Variants in TMEM132C observed in about 807,000 individuals in gnomAD.
TMEM132C encodes the protein protein phosphatase 1, regulatory subunit 152.
In TMEM132C, 29 loss-of-function variants were observed where a neutral mutation model predicts 61.4. That is an observed-to-expected ratio of 0.47 (90% confidence interval 0.35 to 0.64). The LOEUF is 0.64. TMEM132C is among the 30% of genes least tolerant of loss of function. TMEM132C has a pLI of 0.00. For synonymous variants in TMEM132C, 656 were observed against 633.1 expected (o/e 1.04, Z -0.54); for missense variants, 1,408 against 1,476.9 (o/e 0.95, Z 0.76).
At chr12:128,503,943 G>A (rs1390435773) in intron 2 of TMEM132C, among the ~76,000 whole-genome samples, 3 of 152,236 alleles carry the variant, frequency 2.0e-5, no homozygotes, top group Non-Finnish European at 2.9e-5. Flanking sequence ...TTGCCACGTG[G>A]TTCTGGCCCA....
chr12:128,546,315 G>A lies in TMEM132C; in HGVS notation c.1121+2212G>A, dbSNP rs117721037. On this transcript the variant is annotated intron_variant, in intron 3 of 8. Transcript: ENST00000435159. ...AATGCACATGAAGTCTAATTAACCT[G>A]TAAGATTAGTGTTGATTATGCAAAT... 9.0e-3 allele frequency among the ~76,000 whole-genome samples: 1,367 copies of A among 152,280 alleles called. 8 individuals are homozygous for A. The highest frequency in any genetic ancestry group is 0.027 in the Middle Eastern group (8 of 294).
intron 2 of TMEM132C, among the ~76,000 whole-genome samples, chr12:128,531,277 ATAGG>A (rs879375725): frequency 0.26 from 39,220 of 152,068 alleles, 6,080 homozygotes; most frequent in East Asian, 0.41. Flanking sequence ...TTTTCATTTG[ATAGG>A]GAAGATCAAA....
At chr12:128,624,351 C>T (rs1196151045) in intron 4 of TMEM132C, among the ~76,000 whole-genome samples, 1 of 152,046 alleles carries the variant, frequency 6.6e-6, no homozygotes, top group African/African-American at 2.4e-5. Flanking sequence ...CAAGACCACC[C>T]TGGCCAAGAT....
intron 3 of TMEM132C, among the ~76,000 whole-genome samples, chr12:128,572,366 T>G (rs777900160): frequency 6.6e-6 from 1 of 151,958 alleles, no homozygotes; most frequent in African/African-American, 2.4e-5. Context: ...ACTTGTGGCC[T>G]CTGCTGATCT....
At chr12:128,644,206 A>G (rs1485038634) in intron 4 of TMEM132C, among the ~76,000 whole-genome samples, 3 of 152,238 alleles carry the variant, frequency 2.0e-5, no homozygotes, top group African/African-American at 7.2e-5. Flanking sequence ...GTTTCTTAAT[A>G]GGTGAAATGT....
intron 1 of TMEM132C, among the ~76,000 whole-genome samples, chr12:128,321,357 C>T (rs1872328567): frequency 6.6e-6 from 1 of 152,054 alleles, no homozygotes; most frequent in Non-Finnish European, 1.5e-5. Flanking sequence ...AGGAAGTATG[C>T]TGAGTGACAA....
intron 2 of TMEM132C, among the ~76,000 whole-genome samples, chr12:128,540,179 G>A (rs890396129): frequency 8.6e-5 from 13 of 151,964 alleles, no homozygotes; most frequent in African/African-American, 3.1e-4. Context: ...CTTTTTTTAA[G>A]ATATAGCAGT....
intron 1 of TMEM132C, among the ~76,000 whole-genome samples, chr12:128,308,328 T>C (rs1457998346): frequency 1.3e-5 from 2 of 150,974 alleles, no homozygotes; most frequent in Non-Finnish European, 2.9e-5. Context: ...CTGAATCTTA[T>C]CAAACATATC....
intron 2 of TMEM132C, among the ~76,000 whole-genome samples, chr12:128,524,987 G>A (rs920813712): frequency 5.8e-4 from 88 of 152,304 alleles, no homozygotes; most frequent in African/African-American, 2.1e-3. Context: ...AGTTGTTGAA[G>A]CTTGATCTGG....
rs534516876 is a variant in TMEM132C, at chr12:128,431,095, C to T, written c.974+15475C>T. ...TTATGCCAGTTACCCAAGTTGCGAA[C>T]GCAAAGGAAAGTTCTGGAAGGAAAT... On this transcript the variant is annotated intron_variant, in intron 2 of 8. Transcript: ENST00000435159. Among the ~76,000 whole-genome samples the T allele has an allele frequency of 3.2e-4, 48 of 152,232 alleles. No homozygotes were observed. The South Asian group carries it at 6.8e-3, about 22-fold the overall frequency.
At chr12:128,588,071 C>G (rs1391899119) in intron 3 of TMEM132C, among the ~76,000 whole-genome samples, 1 of 152,146 alleles carries the variant, frequency 6.6e-6, no homozygotes, top group East Asian at 1.9e-4. Flanking sequence ...TTGGTGTACC[C>G]TCATTTTAAG....
chr12:128,274,334 T>C lies in TMEM132C; in HGVS notation c.85+6847T>C, dbSNP rs1870616845. Among the ~76,000 whole-genome samples the C allele has an allele frequency of 1.3e-5, 2 of 152,160 alleles. 1 individual carries two copies. The highest frequency in any genetic ancestry group is 4.1e-4 in the South Asian group (2 of 4,824). ...TGTCTTTTCTATGTATAACATTTTTTTCTTTCTTCTCTCAATACCCTTCAT... is the reference window on the plus strand; with the variant it reads ...TGTCTTTTCTATGTATAACATTTTTCTCTTTCTTCTCTCAATACCCTTCAT... On this transcript the variant is annotated intron_variant, in intron 1 of 8. Coordinates refer to ENST00000435159, the MANE Select transcript of TMEM132C (RefSeq NM_001136103.3).
At chr12:128,403,155 G>A (rs1155688) in intron 1 of TMEM132C, among the ~76,000 whole-genome samples, 111,000 of 152,156 alleles carry the variant, frequency 0.73, 41,034 homozygotes, top group East Asian at 0.92. Flanking sequence ...TCAATAAAAA[G>A]GAAACAATGA....
intron 2 of TMEM132C, among the ~76,000 whole-genome samples, chr12:128,455,389 G>A (rs1386811359): frequency 6.6e-6 from 1 of 152,150 alleles, no homozygotes; most frequent in Non-Finnish European, 1.5e-5. Context: ...TTTGCAGCCC[G>A]GCCGTCTGTG....
intron 1 of TMEM132C, among the ~76,000 whole-genome samples, chr12:128,331,928 A>T (rs1044917766): frequency 6.6e-6 from 1 of 152,224 alleles, no homozygotes; most frequent in African/African-American, 2.4e-5. Flanking sequence ...TGCTTCAAAC[A>T]TTTTGAAACT....
At chr12:128,654,591 G>A (rs1954305391) in intron 4 of TMEM132C, among the ~76,000 whole-genome samples, 1 of 152,140 alleles carries the variant, frequency 6.6e-6, no homozygotes, top group Admixed American at 6.5e-5. Flanking sequence ...CAACATCGTA[G>A]ATGCCCAATA....
intron 2 of TMEM132C, among the ~76,000 whole-genome samples, chr12:128,469,032 A>G (rs1216512572): frequency 2.0e-5 from 3 of 152,224 alleles, no homozygotes; most frequent in African/African-American, 7.2e-5. Context: ...AGAATTCAAC[A>G]CATCCCTCAT....
At chr12:128,631,069 A>T (rs1593126921) in intron 4 of TMEM132C, among the ~76,000 whole-genome samples, 1 of 152,150 alleles carries the variant, frequency 6.6e-6, no homozygotes. Flanking sequence ...TGTTTTCTAT[A>T]TGTTTCTAAA....
chr12:128,330,705 C>T (rs1026501604), intron 1 of TMEM132C, among the ~76,000 whole-genome samples: 5 of 152,158 alleles, frequency 3.3e-5, no homozygotes, highest in Admixed American at 6.5e-5. Context: ...TCTGGAATGC[C>T]TGTCATCACT....
Sources: allele counts gnomAD v4.1 joint callset (sites outside exome capture counted in the v4.1 genomes callset), GRCh38; gene constraint gnomAD v4.1.1; transcripts MANE v1.5; gene names NCBI Gene and HGNC (gene_info 2026-07-23, HGNC 2026-07-21).